Variants in TP63 observed in about 807,000 individuals in gnomAD.
TP63 encodes the protein tumor protein p63.
A neutral mutation model predicts 82.8 loss-of-function variants in TP63; 17 were observed. The observed-to-expected ratio is 0.21, with a 90% CI of 0.14 to 0.31. The LOEUF is 0.31. Ranked by LOEUF, TP63 falls within the 10% of genes least tolerant of loss-of-function variation. TP63 has a pLI of 1.00. For missense variants in TP63, 648 were observed against 895.3 expected, an observed-to-expected ratio of 0.72 and a Z score of 3.52; for synonymous variants, 330 against 321.7, an observed-to-expected ratio of 1.03 and a Z score of -0.28.
chr3:189,745,360 G>C (rs1053227136), intron 3 of TP63, among the ~76,000 whole-genome samples: 27 of 152,134 alleles, frequency 1.8e-4, no homozygotes, highest in Non-Finnish European at 1.9e-4. Context: ...ATAGAAGTCA[G>C]AAAGATAATT....
intron 10 of TP63, 128 bp downstream of exon 10, chr3:189,873,123 C>G (rs1718641093): frequency 1.4e-6 from 2 of 1,437,288 alleles, no homozygotes; most frequent in Non-Finnish European, 2.0e-6. Flanking sequence ...ATTCAGATGA[C>G]CTGGTATGGC....
At chr3:189,652,176 G>A (rs969393834) in intron 1 of TP63, among the ~76,000 whole-genome samples, 2 of 146,538 alleles carry the variant, frequency 1.4e-5, no homozygotes, top group African/African-American at 2.6e-5. Context: ...AGTGCACCTA[G>A]ATAAACCACA....
At chr3:189,876,499 A>G (rs1036719281) in intron 10 of TP63, among the ~76,000 whole-genome samples, 1 of 152,230 alleles carries the variant, frequency 6.6e-6, no homozygotes, top group Non-Finnish European at 1.5e-5. Context: ...GATAGATAGT[A>G]AAGAACTAGT....
intron 1 of TP63, among the ~76,000 whole-genome samples, chr3:189,685,871 TA>T (rs1716393832): frequency 6.6e-6 from 1 of 152,186 alleles, no homozygotes; most frequent in Non-Finnish European, 1.5e-5. Context: ...ATGAGCTTTT[TA>T]AAAGAAGGGA....
At chr3:189,809,000 G>A (rs537842596) in intron 4 of TP63, among the ~76,000 whole-genome samples, 39 of 143,280 alleles carry the variant, frequency 2.7e-4, no homozygotes, top group Admixed American at 2.0e-3. Context: ...CATTTATGAA[G>A]GAAGGATGAA....
intron 4 of TP63, among the ~76,000 whole-genome samples, chr3:189,853,149 C>CACTT (rs1380098615): frequency 6.6e-6 from 1 of 152,204 alleles, no homozygotes; most frequent in Admixed American, 6.5e-5. Flanking sequence ...TCTCATCTTA[C>CACTT]ACTTGGATTA....
intron 3 of TP63, among the ~76,000 whole-genome samples, chr3:189,777,127 T>G (rs1287180144): frequency 6.6e-6 from 1 of 152,178 alleles, no homozygotes; most frequent in Non-Finnish European, 1.5e-5. Flanking sequence ...TTCCAACATG[T>G]CTTTCCTACT....
chr3:189,891,698 T>C (rs1721032165), intron 13 of TP63, among the ~76,000 whole-genome samples: 1 of 152,206 alleles, frequency 6.6e-6, no homozygotes. Flanking sequence ...TCTTGCTTCC[T>C]ACTCCACTTT....
intron 3 of TP63, among the ~76,000 whole-genome samples, chr3:189,748,148 C>G (rs1291263033): frequency 2.0e-5 from 3 of 151,932 alleles, no homozygotes; most frequent in Admixed American, 6.6e-5. Context: ...CAAGAAAAGG[C>G]CACTTCTAGT....
the TP63 span, among the ~76,000 whole-genome samples, chr3:189,608,231 G>C: frequency 1.3e-5 from 2 of 152,138 alleles, no homozygotes; most frequent in Non-Finnish European, 1.5e-5. Flanking sequence ...AAATCTTGGG[G>C]AGGGGTATTT....
chr3:189,848,242 TCTCTC>T (rs1560254313), intron 4 of TP63, among the ~76,000 whole-genome samples: 1 of 110,242 alleles, frequency 9.1e-6, no homozygotes, highest in Non-Finnish European at 1.9e-5. Flanking sequence ...CTCCTCCTTC[TCTCTC>T]TCTCTCTCTC....
chr3:189,620,528 A>C, the TP63 span, among the ~76,000 whole-genome samples: 44 of 151,344 alleles, frequency 2.9e-4, no homozygotes, highest in African/African-American at 9.7e-4. Context: ...AAAAAAAAAA[A>C]ACCTCTCTCT....
intron 3 of TP63, among the ~76,000 whole-genome samples, chr3:189,789,227 A>T (rs1425154974): frequency 6.6e-6 from 1 of 152,176 alleles, no homozygotes; most frequent in South Asian, 2.1e-4. Flanking sequence ...CCTAATTTCT[A>T]ACTTTGTGTA....
intron 1 of TP63, among the ~76,000 whole-genome samples, chr3:189,673,280 A>G (rs912267652): frequency 6.6e-6 from 1 of 151,972 alleles, no homozygotes; most frequent in Non-Finnish European, 1.5e-5. Flanking sequence ...TCTGTAAAAA[A>G]CCTCCAGCTA....
chr3:189,835,022 C>G (rs962550564), intron 4 of TP63, among the ~76,000 whole-genome samples: 66 of 151,580 alleles, frequency 4.4e-4, no homozygotes, highest in African/African-American at 1.6e-3. Context: ...TCTTATGGAT[C>G]GTCCGAGTCC....
intron 1 of TP63, among the ~76,000 whole-genome samples, chr3:189,689,288 G>A (rs960248034): frequency 1.3e-5 from 2 of 151,274 alleles, no homozygotes; most frequent in African/African-American, 2.4e-5. Flanking sequence ...GCTAATTTTT[G>A]TATTTTTAGT....
chr3:189,819,767 T>TC lies in TP63; in HGVS notation c.579+11241_579+11242insC, dbSNP rs1728599008. Among the ~76,000 whole-genome samples the TC allele has an allele frequency of 1.5e-4, 18 of 119,916 alleles. No individual in the cohort carries two copies. The Admixed American group carries it at 1.6e-3, about 11-fold the overall frequency. The allele number at this position is 119,916 out of a possible 152,430, so 78.7% of individuals were successfully genotyped here. A position where few individuals can be genotyped will look rare whatever the true frequency, so the allele number is the denominator to read the frequency against. The stretch of plus-strand genomic sequence containing the variant: ...TTTACCTTTTTTTTTTTTTTTTTTT[T>TC]TTGAGACAGTCTCTCACTCTGTCAC... On this transcript the variant is annotated intron_variant, in intron 4 of 13. Coordinates refer to ENST00000264731, the MANE Select transcript of TP63 (RefSeq NM_003722.5).
At chr3:189,692,769 G>A (rs948364850) in intron 1 of TP63, among the ~76,000 whole-genome samples, 1 of 152,128 alleles carries the variant, frequency 6.6e-6, no homozygotes, top group Non-Finnish European at 1.5e-5. Context: ...TGCGAGCAAT[G>A]ACCTGTCAAA....
At chr3:189,817,831 GT>G (rs1728358719) in intron 4 of TP63, among the ~76,000 whole-genome samples, 1 of 151,676 alleles carries the variant, frequency 6.6e-6, no homozygotes, top group African/African-American at 2.4e-5. Flanking sequence ...GCATTTCAGT[GT>G]TTTATTCGTA....
Sources: allele counts gnomAD v4.1 joint callset (sites outside exome capture counted in the v4.1 genomes callset), GRCh38; gene constraint gnomAD v4.1.1; transcripts MANE v1.5; gene names NCBI Gene and HGNC (gene_info 2026-07-23, HGNC 2026-07-21).